CDK5RAP2: variants seen among roughly 807,000 people sequenced by gnomAD.
CDK5RAP2 encodes CDK5 regulatory subunit associated protein 2, also known as CDK5 regulatory subunit-associated protein 2.
Under a neutral mutation model 232.9 loss-of-function variants are expected in CDK5RAP2, and 147 were observed. The observed-to-expected ratio is 0.63, with a 90% confidence interval of 0.55 to 0.72. The LOEUF is 0.72. Ranked by LOEUF, CDK5RAP2 falls within the 30% of genes least tolerant of loss-of-function variation. CDK5RAP2 has a pLI of 0.00. For synonymous variants in CDK5RAP2, 833 were observed against 833.7 expected (o/e 1.00, Z 0.01); for missense variants, 2,195 against 2,231.5 (o/e 0.98, Z 0.33).
intron 12 of CDK5RAP2, 88 bp from the exon 13 acceptor site, chr9:120,491,565 G>C (rs766395001): frequency 9.2e-6 from 8 of 871,058 alleles, no homozygotes; most frequent in East Asian, 7.5e-5. Context: ...TGCTACAAGA[G>C]AGCAAGATAA....
In CDK5RAP2 at chr9:120,439,589, G is replaced by A. The variant is rs1383311775; in HGVS notation, c.3532C>T (p.Arg1178Ter). Residue 1178 changes from arginine to a stop codon, truncating the protein, a stop_gained, in exon 24 of 38, where the codon CGA (arginine) becomes TGA (stop). Coordinates refer to ENST00000349780, the MANE Select transcript of CDK5RAP2 (RefSeq NM_018249.6). LOFTEE classifies it high-confidence loss of function. ...AGGATTTTCACGTGTTTCACGTATCGCACTTGGTGCAAACTTGAAAAGGTC... is the reference window on the plus strand; with the variant it reads ...AGGATTTTCACGTGTTTCACGTATCACACTTGGTGCAAACTTGAAAAGGTC... ...EMTFSSLHQVRYVKHVKILGP... is the reference protein window; with the variant it reads ...EMTFSSLHQV 6.8e-6 allele frequency: 11 copies of A among 1,614,156 alleles called. No homozygotes were observed. Among genetic ancestry groups the A allele is most frequent in the South Asian group, 5.5e-5 (5 of 91,088 alleles).
intron 12 of CDK5RAP2, among the ~76,000 whole-genome samples, chr9:120,518,155 G>A (rs1371203948): frequency 1.5e-5 from 2 of 135,334 alleles, no homozygotes; most frequent in South Asian, 2.6e-4. Context: ...TTTTCAACTC[G>A]ATAACAACTC....
At chr9:120,447,837 G>A in intron 22 of CDK5RAP2, 58 bp downstream of exon 22, 1 of 1,188,356 alleles carries the variant, frequency 8.4e-7, no homozygotes, top group Non-Finnish European at 1.3e-6. Context: ...GACATTTCAA[G>A]CAGTTCTATC....
Position 120,580,001 on chromosome 9 carries a change from T to C in CDK5RAP2, c.-23A>G, listed in dbSNP as rs1475184893. 6.5e-7 allele frequency: 1 copy of C among 1,545,626 alleles called. No individual in the cohort carries two copies. Reference sequence around the variant, plus strand: ...CATGGCTACAGAGGTGGCGACAGCGTTGGTGTCTGTGGCGGCGGCGCCACT... The same window carrying C: ...CATGGCTACAGAGGTGGCGACAGCGCTGGTGTCTGTGGCGGCGGCGCCACT... On this transcript the variant is annotated 5_prime_UTR_variant, in exon 1 of 38. Coordinates refer to ENST00000349780, the MANE Select transcript of CDK5RAP2 (RefSeq NM_018249.6).
Position 120,403,189 on chromosome 9 carries a change from C to T in CDK5RAP2, c.5042-118G>A. The T allele has an allele frequency of 1.0e-6, 1 of 976,968 alleles. No individual in the cohort carries two copies. The highest frequency in any genetic ancestry group is 1.4e-5 in the South Asian group (1 of 69,590). The allele number at this position is 976,968 out of a possible 1,614,324, so 60.5% of individuals were successfully genotyped here. A position where few individuals can be genotyped will look rare whatever the true frequency, so the allele number is the denominator to read the frequency against. ...AGAGGCCCTCGTGCCCAAATGCCAC[C>T]CAACACAAGCCCAGAGGGGAAAAGA... is the stretch of plus-strand genomic sequence containing the variant. On this transcript the variant is annotated intron_variant, in intron 33 of 37. Transcript: ENST00000349780. This position sits in a 1 kb window ranked among gnomAD's most constrained non-coding sequence, Gnocchi z 4.2.
At chr9:120,474,701 C>G (rs1306340316) in intron 15 of CDK5RAP2, among the ~76,000 whole-genome samples, 2 of 152,228 alleles carry the variant, frequency 1.3e-5, no homozygotes, top group Non-Finnish European at 2.9e-5. Context: ...CCACCAACTT[C>G]TAAGTGCTGC....
chr9:120,404,195 C>T, intron 32 of CDK5RAP2, 82 bp from the exon 33 acceptor site: 1 of 887,730 alleles, frequency 1.1e-6, no homozygotes, highest in Non-Finnish European at 1.9e-6. Flanking sequence ...ACAGTCAAGC[C>T]CCTCACATTC....
At chr9:120,553,435 T>C (rs2042116774) in intron 3 of CDK5RAP2, among the ~76,000 whole-genome samples, 1 of 152,244 alleles carries the variant, frequency 6.6e-6, no homozygotes, top group Non-Finnish European at 1.5e-5. Flanking sequence ...ACATCCCCAG[T>C]TTCTCCCTCT....
chr9:120,448,785 C>T (rs549290822), intron 21 of CDK5RAP2, among the ~76,000 whole-genome samples: 1 of 152,192 alleles, frequency 6.6e-6, no homozygotes, highest in South Asian at 2.1e-4. Flanking sequence ...TTCTTGCCAC[C>T]CACTTTCACT....
rs1167896166 is a variant in CDK5RAP2 at position 120,443,762 on chromosome 9, G to GA, written c.3026-21dup. 6.2e-7 allele frequency: 1 copy of GA among 1,613,752 alleles called. No individual in the cohort carries two copies. Among genetic ancestry groups the GA allele is most frequent in the East Asian group, 2.2e-5 (1 of 44,876 alleles). On this transcript the variant is annotated intron_variant, in intron 22 of 37. Transcript: ENST00000349780. ...GCTGAGCTACAGGCAATCACAAAGA[G>GA]AAAGAAAAATAAATAAAACCGTAAG... is the stretch of plus-strand genomic sequence containing the variant.
chr9:120,555,398 A>C (rs1463042795), intron 3 of CDK5RAP2, among the ~76,000 whole-genome samples: 2 of 152,024 alleles, frequency 1.3e-5, no homozygotes, highest in African/African-American at 2.4e-5. Context: ...TTGGCCTCCC[A>C]AAGTGCTGGG....
intron 18 of CDK5RAP2, 74 bp from the exon 19 acceptor site, chr9:120,460,741 G>A (rs749283098): frequency 1.3e-6 from 2 of 1,587,268 alleles, no homozygotes; most frequent in Non-Finnish European, 1.7e-6. Context: ...GAATAAGTCA[G>A]TGATGTCTTT....
chr9:120,449,674 T>A (rs538314299), intron 21 of CDK5RAP2, among the ~76,000 whole-genome samples: 2 of 152,214 alleles, frequency 1.3e-5, no homozygotes, highest in East Asian at 3.9e-4. Context: ...GACTCAATAA[T>A]AAAAACAAAT....
rs1489316697 is a variant in CDK5RAP2, at chr9:120,518,564, T to C, written c.1174A>G (p.Thr392Ala). The change falls in exon 12 of 38, where the codon ACA (threonine) becomes GCA (alanine). Residue 392 changes from threonine to alanine, a missense_variant. Thr to Ala is a moderately conservative substitution (Grantham distance 58). Coordinates refer to ENST00000349780, the MANE Select transcript of CDK5RAP2 (RefSeq NM_018249.6). ...ALRSQNLTKSTENHRLRRSIK... is the reference protein window; with the variant it reads ...ALRSQNLTKSAENHRLRRSIK... ...CTTCTACGCAGTCTGTGGTTCTCTG[T>C]ACTCTTGGTGAGGTTTTGTGAGCGC... 24 of 1,613,836 alleles carry C rather than the reference T, an allele frequency of 1.5e-5. No homozygotes were observed. Among genetic ancestry groups the C allele is most frequent in the Non-Finnish European group, 1.9e-5 (23 of 1,179,984 alleles).
In CDK5RAP2 at chr9:120,389,043, G is replaced by A. The variant is rs1411131806; in HGVS notation, c.*193C>T. On this transcript the variant is annotated 3_prime_UTR_variant, in exon 38 of 38. Transcript: ENST00000349780. ...AGAGCTCGAGGCCTTTTTACCACCC[G>A]TTTGTGGAGCACCTGCACCTTTCTG... 9 of 613,932 alleles carry A rather than the reference G, an allele frequency of 1.5e-5. No individual in the cohort carries two copies. Among genetic ancestry groups the A allele is most frequent in the East Asian group, 5.5e-5 (2 of 36,436 alleles). 38.0% of individuals were successfully genotyped at this position (613,932 alleles called of 1,614,324 possible).
chr9:120,452,192 C>A (rs1281086099), intron 21 of CDK5RAP2, among the ~76,000 whole-genome samples: 1 of 150,344 alleles, frequency 6.7e-6, no homozygotes, highest in Non-Finnish European at 1.5e-5. Flanking sequence ...TCTATTATAG[C>A]CAAATTGCAC....
At chr9:120,552,286 G>A (rs1319930089) in intron 3 of CDK5RAP2, among the ~76,000 whole-genome samples, 6 of 151,460 alleles carry the variant, frequency 4.0e-5, no homozygotes, top group African/African-American at 1.5e-4. Flanking sequence ...TCAGTGTGGC[G>A]ATTCCTCAGG....
chr9:120,448,067 C>T lies in CDK5RAP2; in HGVS notation c.2853G>A (p.Met951Ile), dbSNP rs770972013. ...CCTCCTGGGTGGCAGGGAGACGATACATATTTCCTAATGACCGGGATGGTT... is the reference window on the plus strand; with the variant it reads ...CCTCCTGGGTGGCAGGGAGACGATATATATTTCCTAATGACCGGGATGGTT... The part of the protein sequence containing the change: ...LIKPSRSLGN[M>I]YRLPATQEVV... Residue 951 changes from methionine to isoleucine, a missense_variant, in exon 22 of 38, where the codon ATG becomes ATA. Coordinates refer to ENST00000349780, the MANE Select transcript of CDK5RAP2 (RefSeq NM_018249.6). 1.2e-6 allele frequency: 2 copies of T among 1,614,186 alleles called. No individual in the cohort carries two copies. Among genetic ancestry groups the T allele is most frequent in the Admixed American group, 3.3e-5 (2 of 60,032 alleles).
intron 32 of CDK5RAP2, chr9:120,406,440 G>C (rs1301539062): frequency 1.9e-5 from 3 of 154,104 alleles, no homozygotes; most frequent in African/African-American, 4.8e-5. Flanking sequence ...AGAGCAAAGA[G>C]GACAGGCTGC....
Sources: allele counts gnomAD v4.1 joint callset (sites outside exome capture counted in the v4.1 genomes callset), GRCh38; gene constraint gnomAD v4.1.1; non-coding constraint Gnocchi (gnomAD v3.1); transcripts MANE v1.5; gene names NCBI Gene and HGNC (gene_info 2026-07-23, HGNC 2026-07-21).